The following SLC35D4 variants were observed in gnomAD, a reference collection of about 807,000 sequenced individuals.
SLC35D4 encodes solute carrier family 35 member D4.
chr18:23,251,666 GGGAAGGA>G, the SLC35D4 span, among the ~76,000 whole-genome samples: 1 of 152,198 alleles, frequency 6.6e-6, no homozygotes, highest in Non-Finnish European at 1.5e-5. Context: ...TTTAGAAAGA[GGGAAGGA>G]GGGAGGAGGA....
chr18:23,246,681 G>T, the SLC35D4 span, among the ~76,000 whole-genome samples: 2 of 151,436 alleles, frequency 1.3e-5, no homozygotes, highest in Non-Finnish European at 2.9e-5. Flanking sequence ...TTGAGCCACC[G>T]CACCCGGCCA....
chr18:23,257,441 GAAA>G, the SLC35D4 span: 1 of 1,464,462 alleles, frequency 6.8e-7, no homozygotes, highest in Non-Finnish European at 9.1e-7. Context: ...TACTGGAAAT[GAAA>G]AAAAGTAGAA....
chr18:23,350,493 C>T, the SLC35D4 span, among the ~76,000 whole-genome samples: 1 of 152,220 alleles, frequency 6.6e-6, no homozygotes, highest in East Asian at 1.9e-4. Flanking sequence ...TGTATGCAGG[C>T]TCTGCTGGCC....
the SLC35D4 span, among the ~76,000 whole-genome samples, chr18:23,265,874 T>C: frequency 6.6e-6 from 1 of 152,220 alleles, no homozygotes; most frequent in Non-Finnish European, 1.5e-5. Context: ...GAGGCTTATC[T>C]AGAAGGCCCT....
the SLC35D4 span, among the ~76,000 whole-genome samples, chr18:23,358,212 C>G: frequency 2.0e-5 from 3 of 152,192 alleles, no homozygotes; most frequent in Non-Finnish European, 4.4e-5. Context: ...GTGAGAGGAA[C>G]TGCAGCGCAG....
the SLC35D4 span, among the ~76,000 whole-genome samples, chr18:23,287,055 C>T: frequency 1.3e-5 from 2 of 151,686 alleles, no homozygotes; most frequent in East Asian, 1.9e-4. Context: ...TCCCATCCCA[C>T]AGCATGCTTT....
the SLC35D4 span, chr18:23,258,967 A>C: frequency 1.3e-5 from 2 of 148,928 alleles, no homozygotes; most frequent in African/African-American, 2.5e-5. Flanking sequence ...TTCCTTGGCC[A>C]GAATCAGTTG....
At chr18:23,422,417 T>C in the SLC35D4 span, among the ~76,000 whole-genome samples, 2 of 152,096 alleles carry the variant, frequency 1.3e-5, no homozygotes, top group African/African-American at 4.8e-5. Flanking sequence ...TCTTTGGCCT[T>C]CACCTCCCTC....
At chr18:23,313,340 T>C in the SLC35D4 span, among the ~76,000 whole-genome samples, 1 of 151,026 alleles carries the variant, frequency 6.6e-6, no homozygotes. Context: ...CAAAATCTTT[T>C]ATCATTAAGC....
At chr18:23,345,404 C>T in the SLC35D4 span, among the ~76,000 whole-genome samples, 1 of 141,322 alleles carries the variant, frequency 7.1e-6, no homozygotes, top group African/African-American at 2.6e-5. Context: ...ATGGCTTGAA[C>T]TCGGGAGGTG....
chr18:23,288,068 G>A, the SLC35D4 span, among the ~76,000 whole-genome samples: 5 of 152,138 alleles, frequency 3.3e-5, no homozygotes, highest in Admixed American at 1.3e-4. Context: ...CTCACTCTTT[G>A]TTGAGTCTCC....
chr18:23,406,206 C>G, the SLC35D4 span, among the ~76,000 whole-genome samples: 1 of 152,164 alleles, frequency 6.6e-6, no homozygotes, highest in Non-Finnish European at 1.5e-5. Context: ...AATTAGTTTT[C>G]TTGCTCCCAA....
the SLC35D4 span, among the ~76,000 whole-genome samples, chr18:23,299,454 G>A: frequency 6.6e-6 from 1 of 152,204 alleles, no homozygotes; most frequent in African/African-American, 2.4e-5. Context: ...CCATGGATGA[G>A]TGGCTTTGGT....
At chr18:23,385,801 A>G in the SLC35D4 span, among the ~76,000 whole-genome samples, 2 of 152,094 alleles carry the variant, frequency 1.3e-5, no homozygotes, top group African/African-American at 4.8e-5. Context: ...GGAGGCAGAG[A>G]GGGCTGCAAA....
chr18:23,408,148 GACACACAC>G, the SLC35D4 span, among the ~76,000 whole-genome samples: 18 of 136,318 alleles, frequency 1.3e-4, no homozygotes, highest in East Asian at 1.3e-3. Flanking sequence ...ACTGGCCTGA[GACACACAC>G]ACACACACAC....
chr18:23,368,580 C>G, the SLC35D4 span: 1 of 612,730 alleles, frequency 1.6e-6, no homozygotes, highest in Middle Eastern at 2.8e-4. Flanking sequence ...CTCCTCAACT[C>G]TGTCATCTCA....
chr18:23,245,728 A>G, the SLC35D4 span, among the ~76,000 whole-genome samples: 1 of 152,198 alleles, frequency 6.6e-6, no homozygotes, highest in Non-Finnish European at 1.5e-5. Flanking sequence ...AGTGCCTTCC[A>G]TCTGACCTTC....
chr18:23,435,813 A>C, the SLC35D4 span, among the ~76,000 whole-genome samples: 1 of 152,224 alleles, frequency 6.6e-6, no homozygotes, highest in Admixed American at 6.5e-5. Flanking sequence ...CTCATGCCTC[A>C]GCCTCCTGAG....
At chr18:23,303,556 T>C in the SLC35D4 span, among the ~76,000 whole-genome samples, 1 of 152,266 alleles carries the variant, frequency 6.6e-6, no homozygotes, top group Admixed American at 6.5e-5. Flanking sequence ...TTTGAAATTC[T>C]GTACAAAATG....
Sources: gnomAD v4.1 joint callset for allele counts (sites outside exome capture counted in the v4.1 genomes callset) on GRCh38, gnomAD v4.1.1 for gene constraint, MANE v1.5 for transcripts, NCBI Gene and HGNC (gene_info 2026-07-23, HGNC 2026-07-21) for gene names.